DCDC1: variants seen among roughly 807,000 people sequenced by gnomAD.
DCDC1 encodes the protein doublecortin domain-containing protein 1.
Under a neutral mutation model 178.3 loss-of-function variants are expected in DCDC1, and 200 were observed. That is an observed-to-expected ratio of 1.12 (90% confidence interval 1.00 to 1.26). The LOEUF (loss-of-function observed/expected upper bound fraction) is 1.26. Among genes scored for constraint, DCDC1 ranks in the 50% most tolerant of loss-of-function variants. DCDC1 has a pLI of 0.00. For synonymous variants in DCDC1, 690 were observed against 604.8 expected (o/e 1.14, Z -2.07); for missense variants, 1,983 against 1,749.2 (o/e 1.13, Z -2.38).
chr11:31,298,965 T>C (rs1328392482), intron 6 of DCDC1, among the ~76,000 whole-genome samples: 1 of 152,236 alleles, frequency 6.6e-6, no homozygotes, highest in African/African-American at 2.4e-5. Context: ...GATAATGACA[T>C]TAAATATGAA....
intron 20 of DCDC1, among the ~76,000 whole-genome samples, chr11:31,003,911 G>A (rs1322915880): frequency 6.6e-6 from 1 of 152,198 alleles, no homozygotes; most frequent in Non-Finnish European, 1.5e-5. Context: ...GAATCCAACA[G>A]TGTCCTACAA....
At chr11:31,230,259 C>T (rs889661724) in intron 9 of DCDC1, among the ~76,000 whole-genome samples, 2 of 151,518 alleles carry the variant, frequency 1.3e-5, no homozygotes, top group Admixed American at 6.6e-5. Flanking sequence ...ATACTTAACA[C>T]TACTGCATTG....
intron 9 of DCDC1, among the ~76,000 whole-genome samples, chr11:31,153,585 C>G (rs995811343): frequency 6.6e-6 from 1 of 152,044 alleles, no homozygotes; most frequent in Non-Finnish European, 1.5e-5. Flanking sequence ...GAGTTCCAGA[C>G]CAGCCTGGCC....
intron 11 of DCDC1, among the ~76,000 whole-genome samples, chr11:31,117,524 G>C (rs576529973): frequency 6.6e-6 from 1 of 152,132 alleles, no homozygotes; most frequent in East Asian, 1.9e-4. Context: ...GCAGAGGAAG[G>C]GCCAAAGGAG....
intron 9 of DCDC1, among the ~76,000 whole-genome samples, chr11:31,189,145 T>A (rs1357362222): frequency 2.4e-4 from 36 of 152,172 alleles, no homozygotes; most frequent in Admixed American, 2.4e-3. Context: ...GGTGTTTTTG[T>A]TATAGCGGCG....
intron 24 of DCDC1, 62 bp downstream of exon 24, chr11:30,922,441 G>T: frequency 1.4e-6 from 2 of 1,418,082 alleles, no homozygotes; most frequent in Non-Finnish European, 1.8e-6. Context: ...TTTTTAAAAA[G>T]CAATATCATC....
At chr11:31,062,212 T>G (rs76063249) in intron 20 of DCDC1, among the ~76,000 whole-genome samples, 1,683 of 152,082 alleles carry the variant, frequency 0.011, 13 homozygotes, top group Non-Finnish European at 0.018. Flanking sequence ...CCCAGGATAA[T>G]AAGGTCCCAA....
At chr11:31,334,745 A>G (rs1320764494) in intron 2 of DCDC1, among the ~76,000 whole-genome samples, 1 of 152,128 alleles carries the variant, frequency 6.6e-6, no homozygotes, top group Non-Finnish European at 1.5e-5. Context: ...AGAACAGCAA[A>G]TACTGCTGCC....
intron 3 of DCDC1, chr11:31,312,826 C>T (rs1461103228): frequency 6.6e-6 from 1 of 152,034 alleles, no homozygotes; most frequent in Non-Finnish European, 1.5e-5. Context: ...GAGCCAACAC[C>T]TTATCCTATG....
chr11:31,081,044 T>A (rs1275982261), intron 17 of DCDC1, among the ~76,000 whole-genome samples: 1 of 152,138 alleles, frequency 6.6e-6, no homozygotes. Flanking sequence ...TCAAAACTAA[T>A]ACAACAGAAA....
At chr11:30,933,609 G>A (rs980284277) in intron 21 of DCDC1, among the ~76,000 whole-genome samples, 1 of 145,782 alleles carries the variant, frequency 6.9e-6, no homozygotes, top group Non-Finnish European at 1.5e-5. Context: ...AAATTAACAT[G>A]TAATTTTCAG....
At chr11:30,997,443 G>C (rs1445418919) in intron 20 of DCDC1, among the ~76,000 whole-genome samples, 2 of 151,952 alleles carry the variant, frequency 1.3e-5, no homozygotes, top group Non-Finnish European at 2.9e-5. Flanking sequence ...CTCACTGAAG[G>C]GGTAAGGAAG....
At chr11:31,294,850 G>T (rs1420775151) in intron 6 of DCDC1, among the ~76,000 whole-genome samples, 1 of 124,434 alleles carries the variant, frequency 8.0e-6, no homozygotes, top group Non-Finnish European at 1.8e-5. Context: ...AAGAAAGAAA[G>T]AAAGAAAGAA....
intron 20 of DCDC1, among the ~76,000 whole-genome samples, chr11:31,055,917 T>C (rs552136219): frequency 3.9e-5 from 6 of 152,256 alleles, no homozygotes; most frequent in African/African-American, 1.4e-4. Flanking sequence ...GCTCGCGTGA[T>C]GGGTGCACCA....
At chr11:31,169,234 G>A (rs924296781) in intron 9 of DCDC1, among the ~76,000 whole-genome samples, 13 of 152,148 alleles carry the variant, frequency 8.5e-5, no homozygotes, top group African/African-American at 3.1e-4. Flanking sequence ...GGCCTGTTGT[G>A]GGGTGGGGGA....
At chr11:31,106,460 T>C (rs577973163) in intron 13 of DCDC1, among the ~76,000 whole-genome samples, 4 of 152,158 alleles carry the variant, frequency 2.6e-5, no homozygotes, top group Non-Finnish European at 5.9e-5. Flanking sequence ...TGTGCGACAA[T>C]GACAGTGTGA....
intron 20 of DCDC1, among the ~76,000 whole-genome samples, chr11:30,976,490 A>C (rs1950109241): frequency 6.6e-6 from 1 of 152,118 alleles, no homozygotes; most frequent in African/African-American, 2.4e-5. Context: ...CAACAGTAAA[A>C]AGACAAATAA....
At chr11:31,269,755 A>T (rs544771446) in intron 7 of DCDC1, among the ~76,000 whole-genome samples, 1 of 152,306 alleles carries the variant, frequency 6.6e-6, no homozygotes, top group South Asian at 2.1e-4. Context: ...CATGCTGTAA[A>T]ACCAGAATCT....
chr11:30,899,291 A>T (rs1442764663), intron 34 of DCDC1, among the ~76,000 whole-genome samples: 3 of 152,122 alleles, frequency 2.0e-5, no homozygotes, highest in Non-Finnish European at 4.4e-5. Context: ...CTAAGTTTTA[A>T]TTTTTAAGAC....
Sources: gnomAD v4.1 joint callset for allele counts (sites outside exome capture counted in the v4.1 genomes callset) on GRCh38, gnomAD v4.1.1 for gene constraint, MANE v1.5 for transcripts, NCBI Gene and HGNC (gene_info 2026-07-23, HGNC 2026-07-21) for gene names.